Variants in THSD7A observed in about 807,000 individuals in gnomAD.
THSD7A encodes the protein thrombospondin type 1 domain containing 7A, also known as thrombospondin type-1 domain-containing protein 7A.
In THSD7A, 96 loss-of-function variants were observed where a neutral mutation model predicts 231.3. That is an observed-to-expected ratio of 0.41 (90% CI 0.35 to 0.49). THSD7A has a LOEUF of 0.49. Ranked by LOEUF, THSD7A falls within the 20% of genes least tolerant of loss-of-function variation. THSD7A has a pLI of 0.05. For synonymous variants in THSD7A, 940 were observed against 743.3 expected (o/e 1.26, Z -4.30); for missense variants, 2,290 against 2,070.2 (o/e 1.11, Z -2.06).
intron 1 of THSD7A, among the ~76,000 whole-genome samples, chr7:11,764,147 C>T (rs534534658): frequency 6.6e-6 from 1 of 152,200 alleles, no homozygotes; most frequent in Admixed American, 6.5e-5. Flanking sequence ...TCAATCCTAC[C>T]TTAAATTAAA....
At chr7:11,623,785 G>A (rs969268351) in intron 2 of THSD7A, among the ~76,000 whole-genome samples, 3 of 152,156 alleles carry the variant, frequency 2.0e-5, no homozygotes, top group Non-Finnish European at 4.4e-5. Context: ...AACCTCAGTT[G>A]TTAGTATCAT....
intron 1 of THSD7A, among the ~76,000 whole-genome samples, chr7:11,822,246 A>G (rs1784897428): frequency 6.6e-6 from 1 of 152,018 alleles, no homozygotes; most frequent in Non-Finnish European, 1.5e-5. Flanking sequence ...TCCATTCTCT[A>G]CATCTATGTG....
chr7:11,602,522 G>A (rs910972062), intron 2 of THSD7A, among the ~76,000 whole-genome samples: 2 of 152,012 alleles, frequency 1.3e-5, no homozygotes, highest in Non-Finnish European at 2.9e-5. Context: ...TTACGTATTA[G>A]AATTTGTCAT....
chr7:11,575,529 G>A (rs776411796), intron 4 of THSD7A, among the ~76,000 whole-genome samples: 2 of 152,132 alleles, frequency 1.3e-5, no homozygotes, highest in Non-Finnish European at 2.9e-5. Context: ...CGCAATGATG[G>A]TTGGAAATTG....
At position 11,614,374 on chromosome 7, in the gene THSD7A, A is replaced by C. The variant is rs565386990; in HGVS notation, c.1023-20872T>G. 3.2e-4 allele frequency among the ~76,000 whole-genome samples: 48 copies of C among 152,318 alleles called. No homozygotes were observed. The South Asian group carries it at 4.8e-3, about 15-fold the overall frequency. ...GTGCCTCTACATCAAATGGCAACAA[A>C]AAGGGGAGATTTACTTATTTGGATG... On this transcript the variant is annotated intron_variant, in intron 2 of 27. Coordinates refer to ENST00000423059, the MANE Select transcript of THSD7A (RefSeq NM_015204.3).
At chr7:11,559,153 G>A (rs907374461) in intron 4 of THSD7A, among the ~76,000 whole-genome samples, 10 of 152,038 alleles carry the variant, frequency 6.6e-5, no homozygotes, top group African/African-American at 2.4e-4. Context: ...CGAAGGAACT[G>A]AATTCTGCCA....
intron 1 of THSD7A, among the ~76,000 whole-genome samples, chr7:11,767,425 G>T (rs777150431): frequency 1.3e-5 from 2 of 152,042 alleles, no homozygotes; most frequent in African/African-American, 4.8e-5. Context: ...TGTCTGCACT[G>T]CCTGTTCCCT....
chr7:11,580,443 C>T (rs1304882166), intron 4 of THSD7A, among the ~76,000 whole-genome samples: 1 of 152,116 alleles, frequency 6.6e-6, no homozygotes, highest in Admixed American at 6.6e-5. Flanking sequence ...TCAGTCTAAA[C>T]TCCAAGTACA....
Position 11,831,989 on chromosome 7 carries a change from G to C in THSD7A, c.-43C>G, listed in dbSNP as rs1051216158. ...CAGGGTCCAGAGCCGTAGCACGCTC[G>C]GCAGGGAATTTTTCTCCGCTCTTGG... On this transcript the variant is annotated 5_prime_UTR_variant, in exon 1 of 28. Coordinates refer to ENST00000423059, the MANE Select transcript of THSD7A (RefSeq NM_015204.3). The surrounding 1 kb of genome is among the most constrained non-coding windows in gnomAD (Gnocchi z 5.0). 165 of 1,200,588 alleles carry C rather than the reference G, an allele frequency of 1.4e-4. No individual in the cohort carries two copies. Among genetic ancestry groups the C allele is most frequent in the Non-Finnish European group, 1.7e-4 (160 of 963,260 alleles). 74.4% of individuals were successfully genotyped at this position (1,200,588 alleles called of 1,614,324 possible).
At chr7:11,477,895 T>G (rs148591817) in intron 7 of THSD7A, among the ~76,000 whole-genome samples, 1 of 152,358 alleles carries the variant, frequency 6.6e-6, no homozygotes, top group Non-Finnish European at 1.5e-5. Context: ...GTATATAATA[T>G]GTACATATTT....
At position 11,593,388 on chromosome 7, in the gene THSD7A, C is replaced by A; in HGVS notation, c.1137G>T (p.Met379Ile). The stretch of plus-strand genomic sequence containing the variant: ...TTACACGAGTGCCTGCAGGGGACAC[C>A]ATGTCATGGCATGTTTTTGAGCAGG... ...WSPCSKTCHD[M>I]VSPAGTRVRT... Residue 379 changes from methionine to isoleucine, a missense_variant, in exon 3 of 28, where the codon ATG becomes ATT. Met to Ile is a conservative substitution (Grantham distance 10). Coordinates refer to ENST00000423059, the MANE Select transcript of THSD7A (RefSeq NM_015204.3). The A allele has an allele frequency of 6.2e-7, 1 of 1,614,002 alleles. No homozygotes were observed. The highest frequency in any genetic ancestry group is 8.5e-7 in the Non-Finnish European group (1 of 1,179,896).
At chr7:11,723,827 A>T (rs1334549952) in intron 1 of THSD7A, among the ~76,000 whole-genome samples, 1 of 151,988 alleles carries the variant, frequency 6.6e-6, no homozygotes, top group African/African-American at 2.4e-5. Context: ...GAAGATTGGT[A>T]GAAAATAAAT....
At chr7:11,722,511 G>A (rs1415079872) in intron 1 of THSD7A, among the ~76,000 whole-genome samples, 2 of 151,784 alleles carry the variant, frequency 1.3e-5, no homozygotes, top group Admixed American at 6.6e-5. Context: ...AACTGGTCCT[G>A]TGGCCCCCAC....
intron 1 of THSD7A, among the ~76,000 whole-genome samples, chr7:11,741,307 T>A (rs1427796814): frequency 6.6e-6 from 1 of 151,924 alleles, no homozygotes; most frequent in Non-Finnish European, 1.5e-5. Flanking sequence ...TTACTCCGTT[T>A]AAGAGATCCA....
intron 2 of THSD7A, among the ~76,000 whole-genome samples, chr7:11,607,552 A>T (rs1330297906): frequency 3.9e-5 from 6 of 152,006 alleles, no homozygotes; most frequent in Non-Finnish European, 7.4e-5. Context: ...AAAAAAAAAG[A>T]CTTTTCCACC....
intron 3 of THSD7A, among the ~76,000 whole-genome samples, chr7:11,591,537 T>C (rs779629361): frequency 1.3e-5 from 2 of 152,204 alleles, no homozygotes; most frequent in Non-Finnish European, 2.9e-5. Flanking sequence ...AATATTCATC[T>C]GAATCAGGCA....
In THSD7A at chr7:11,426,657, A is replaced by G; in HGVS notation, c.3249+9T>C. On this transcript the variant is annotated intron_variant, in intron 15 of 27. Transcript: ENST00000423059. The stretch of plus-strand genomic sequence containing the variant: ...TCTATCAAAAAGCATGAGGTTTAAG[A>G]GTTCTTACCTGTGCCTGGAGTGGTG... 1.3e-6 allele frequency: 2 copies of G among 1,558,216 alleles called. No homozygotes were observed. Among genetic ancestry groups the G allele is most frequent in the South Asian group, 2.4e-5 (2 of 84,484 alleles).
chr7:11,641,213 T>C (rs533049451), intron 1 of THSD7A, among the ~76,000 whole-genome samples: 14 of 152,262 alleles, frequency 9.2e-5, no homozygotes, highest in Admixed American at 6.5e-4. Flanking sequence ...TAGCTAATTA[T>C]ATTTGTAAAA....
Position 11,376,573 on chromosome 7 carries a change from G to A in THSD7A, c.4886C>T (p.Ala1629Val). 3.8e-6 allele frequency: 6 copies of A among 1,574,870 alleles called. No individual in the cohort carries two copies. Among genetic ancestry groups the A allele is most frequent in the Non-Finnish European group, 5.2e-6 (6 of 1,158,980 alleles). Residue 1629 changes from alanine to valine, a missense_variant, in exon 27 of 28, where the codon GCT becomes GTT. Transcript: ENST00000423059. ...TTTTAATTATTTAAACACTCACCAA[G>A]CTAGATAAATCATGGAGACAATAAA... ...LIFIVSMIYLACKKPKKPQRR... is the reference protein window; with the variant it reads ...LIFIVSMIYLVCKKPKKPQRR...
Sources: gnomAD v4.1 joint callset for allele counts (sites outside exome capture counted in the v4.1 genomes callset) on GRCh38, gnomAD v4.1.1 for gene constraint, Gnocchi (gnomAD v3.1) non-coding constraint, MANE v1.5 for transcripts, NCBI Gene and HGNC (gene_info 2026-07-23, HGNC 2026-07-21) for gene names.